Variants in OTUD3 observed in about 807,000 individuals in gnomAD.
OTUD3 encodes OTU domain-containing protein 3.
Under a neutral mutation model 46.2 loss-of-function variants are expected in OTUD3, and 24 were observed. That is an observed-to-expected ratio of 0.52 (90% CI 0.38 to 0.73). The LOEUF (loss-of-function observed/expected upper bound fraction) is 0.73, where lower values mean the gene tolerates loss of function less well. Among genes scored for constraint, OTUD3 ranks in the 30% least tolerant of loss-of-function variants. OTUD3 has a pLI of 0.00. For synonymous variants in OTUD3, 189 were observed against 195.4 expected (o/e 0.97, Z 0.27); for missense variants, 455 against 523.3 (o/e 0.87, Z 1.27).
chr1:19,907,153 C>A (rs2045671568), intron 7 of OTUD3, among the ~76,000 whole-genome samples: 1 of 152,178 alleles, frequency 6.6e-6, no homozygotes, highest in Non-Finnish European at 1.5e-5. Flanking sequence ...AATTTGGAAT[C>A]ATTTTAAAGA....
rs926758902 is a variant in OTUD3, at chr1:19,882,510, G to A, written c.-4G>A. ...CCTGCCGCTGGGGACTGCAGGCTAAGGCCATGTCCCGAAAGCAGGCGGCGA... is the reference window on the plus strand; with the variant it reads ...CCTGCCGCTGGGGACTGCAGGCTAAAGCCATGTCCCGAAAGCAGGCGGCGA... On this transcript the variant is annotated 5_prime_UTR_variant, in exon 1 of 8. Transcript: ENST00000375120. 2 of 1,352,214 alleles carry A rather than the reference G, an allele frequency of 1.5e-6. No homozygotes were observed. Among genetic ancestry groups the A allele is most frequent in the Non-Finnish European group, 9.4e-7 (1 of 1,059,780 alleles). 83.8% of individuals were successfully genotyped at this position (1,352,214 alleles called of 1,614,324 possible).
intron 2 of OTUD3, among the ~76,000 whole-genome samples, chr1:19,891,579 A>G (rs2045446890): frequency 6.6e-6 from 1 of 152,218 alleles, no homozygotes; most frequent in African/African-American, 2.4e-5. Context: ...CTTTGGCAGT[A>G]TAATTGACAG....
chr1:19,902,235 T>G (rs2045600178), intron 4 of OTUD3, among the ~76,000 whole-genome samples: 5 of 152,158 alleles, frequency 3.3e-5, no homozygotes, highest in Admixed American at 3.3e-4. Flanking sequence ...GACGGAGTCT[T>G]GCTCTGTCGC....
intron 1 of OTUD3, among the ~76,000 whole-genome samples, chr1:19,885,213 T>C (rs1162406316): frequency 6.6e-6 from 1 of 152,212 alleles, no homozygotes. Flanking sequence ...GGAGTGCTCA[T>C]GTCTCTCTTC....
intron 1 of OTUD3, 61 bp downstream of exon 1, chr1:19,882,795 A>G (rs2100219019): frequency 8.1e-7 from 1 of 1,234,320 alleles, no homozygotes; most frequent in Non-Finnish European, 1.0e-6. Context: ...CGGCCTGGCG[A>G]CCGTTGCCCG....
intron 4 of OTUD3, among the ~76,000 whole-genome samples, chr1:19,899,534 T>A (rs2045560048): frequency 6.6e-6 from 1 of 152,262 alleles, no homozygotes. Flanking sequence ...TGATGGACTT[T>A]TAGGTGGTTT....
intron 1 of OTUD3, among the ~76,000 whole-genome samples, chr1:19,883,538 A>G (rs2045306369): frequency 6.6e-6 from 1 of 152,144 alleles, no homozygotes; most frequent in African/African-American, 2.4e-5. Context: ...AGAGAGTGTT[A>G]ATAACAGCCT....
At chr1:19,905,801 T>C (rs1447138205) in intron 6 of OTUD3, among the ~76,000 whole-genome samples, 1 of 152,212 alleles carries the variant, frequency 6.6e-6, no homozygotes, top group Non-Finnish European at 1.5e-5. Flanking sequence ...TTTAAAATGA[T>C]ATCAATAAAT....
intron 4 of OTUD3, chr1:19,897,886 G>T: frequency 2.4e-6 from 1 of 410,072 alleles, no homozygotes; most frequent in Non-Finnish European, 4.3e-6. Flanking sequence ...AGTTACAATT[G>T]TATGTGTATA....
In OTUD3 at chr1:19,897,542, T is replaced by C. The variant is rs371092366; in HGVS notation, c.486T>C (p.Ile162=). 1.9e-6 allele frequency: 3 copies of C among 1,613,904 alleles called. No homozygotes were observed. The highest frequency in any genetic ancestry group is 2.5e-6 in the Non-Finnish European group (3 of 1,179,906). The part of the protein sequence containing the change: ...IHQLNAPLWQ[I]RGTEKSSVRE... ...ATGGCCCCTTCTTTTGTCTACAGATTCGTGGTACAGAGAAAAGCAGCGTGA... is the reference window on the plus strand; with the variant it reads ...ATGGCCCCTTCTTTTGTCTACAGATCCGTGGTACAGAGAAAAGCAGCGTGA... The change falls in exon 4 of 8, where the codon ATT becomes ATC. Residue 162 remains isoleucine (I), a splice_region_variant and synonymous_variant. Transcript: ENST00000375120.
chr1:19,904,599 T>C (rs1013443145), intron 5 of OTUD3, among the ~76,000 whole-genome samples: 2 of 152,244 alleles, frequency 1.3e-5, no homozygotes, highest in Non-Finnish European at 2.9e-5. Flanking sequence ...CTTCACCCAG[T>C]ACTGCTCAAA....
rs538996279 is a variant in OTUD3, at chr1:19,908,687, C to A, written c.*941C>A. 2.6e-5 allele frequency: 4 copies of A among 152,356 alleles called. No individual in the cohort carries two copies. Among genetic ancestry groups the A allele is most frequent in the African/African-American group, 9.6e-5 (4 of 41,464 alleles). 9.4% of individuals were successfully genotyped at this position (152,356 alleles called of 1,614,324 possible). ...TTTTTCATGTTCGCATTTTAAATAA[C>A]GATTTTCTTCCCTTCTGTTGTAGAC... On this transcript the variant is annotated 3_prime_UTR_variant, in exon 8 of 8. Coordinates refer to ENST00000375120, the MANE Select transcript of OTUD3 (RefSeq NM_015207.2).
chr1:19,894,618 AATCT>A, intron 3 of OTUD3, 138 bp downstream of exon 3: 1 of 548,246 alleles, frequency 1.8e-6, no homozygotes, highest in Non-Finnish European at 3.2e-6. Context: ...CAAAGACAAA[AATCT>A]TGTGATGGCT....
At chr1:19,898,273 T>G (rs577610247) in intron 4 of OTUD3, among the ~76,000 whole-genome samples, 1 of 152,090 alleles carries the variant, frequency 6.6e-6, no homozygotes, top group African/African-American at 2.4e-5. Flanking sequence ...ATCTGAAATC[T>G]GAAAACTATA....
intron 1 of OTUD3, among the ~76,000 whole-genome samples, chr1:19,887,570 G>T (rs1179882485): frequency 1.3e-5 from 2 of 152,180 alleles, no homozygotes; most frequent in African/African-American, 4.8e-5. Context: ...AGAATCCTGA[G>T]TCTATATAGT....
rs373159791 is a variant in OTUD3 at position 19,894,353 on chromosome 1, C to T, written c.371-15C>T. The T allele has an allele frequency of 2.7e-6, 4 of 1,495,610 alleles. No individual in the cohort carries two copies. Among genetic ancestry groups the T allele is most frequent in the African/African-American group, 2.8e-5 (2 of 71,962 alleles). 92.6% of individuals were successfully genotyped at this position (1,495,610 alleles called of 1,614,324 possible). ...CACTATAAAGACGTCATTTTTCTTT[C>T]CTATTTCCATGCAGTGGCCAGTTTG... On this transcript the variant is annotated splice_polypyrimidine_tract_variant and intron_variant, in intron 2 of 7. Coordinates refer to ENST00000375120, the MANE Select transcript of OTUD3 (RefSeq NM_015207.2).
intron 1 of OTUD3, among the ~76,000 whole-genome samples, chr1:19,886,215 G>T (rs1306201088): frequency 6.6e-6 from 1 of 151,970 alleles, no homozygotes; most frequent in Non-Finnish European, 1.5e-5. Flanking sequence ...TATTTATTAG[G>T]CAGTACAATA....
chr1:19,892,358 G>A (rs1186857122), intron 2 of OTUD3, among the ~76,000 whole-genome samples: 2 of 152,166 alleles, frequency 1.3e-5, no homozygotes, highest in South Asian at 2.1e-4. Context: ...TCAGTGTGCT[G>A]CCTACCTTGT....
chr1:19,904,335 AGAC>A lies in OTUD3; in HGVS notation c.679_681del (p.Asp227del). 6.2e-7 allele frequency: 1 copy of A among 1,612,796 alleles called. No individual in the cohort carries two copies. Among genetic ancestry groups the A allele is most frequent in the Non-Finnish European group, 8.5e-7 (1 of 1,179,002 alleles). Reference sequence around the variant, plus strand: ...TCAAGACAAAGGGAATGGACTCTGAAGACGACCTGAGAGATGAAGTAGAGGATG... The same window carrying A: ...TCAAGACAAAGGGAATGGACTCTGAAGACCTGAGAGATGAAGTAGAGGATG... On this transcript the variant is annotated inframe_deletion, in exon 5 of 8. Transcript: ENST00000375120.
Sources: allele counts gnomAD v4.1 joint callset (sites outside exome capture counted in the v4.1 genomes callset), GRCh38; gene constraint gnomAD v4.1.1; transcripts MANE v1.5; gene names NCBI Gene and HGNC (gene_info 2026-07-23, HGNC 2026-07-21).